VPS54: variants seen among roughly 807,000 people sequenced by gnomAD.
VPS54 encodes the protein vacuolar protein sorting-associated protein 54.
In VPS54, 45 loss-of-function variants were observed where a neutral mutation model predicts 121.5. The observed-to-expected ratio is 0.37, with a 90% CI of 0.29 to 0.47. The LOEUF (loss-of-function observed/expected upper bound fraction) is 0.47. Among genes scored for constraint, VPS54 ranks in the 20% least tolerant of loss-of-function variants. The probability of loss-of-function intolerance (pLI) is 0.99; values close to 1 mark genes in which losing one functional copy is unlikely to be tolerated. For synonymous variants in VPS54, 371 were observed against 385.8 expected (o/e 0.96, Z 0.45); for missense variants, 1,090 against 1,131.4 (o/e 0.96, Z 0.52).
intron 20 of VPS54, among the ~76,000 whole-genome samples, chr2:63,910,866 T>G (rs1476314593): frequency 6.6e-6 from 1 of 152,166 alleles, no homozygotes; most frequent in Non-Finnish European, 1.5e-5. Context: ...ACATCTTTGG[T>G]TTTTCTTCAT....
At chr2:63,904,563 G>C (rs1249727412) in intron 20 of VPS54, among the ~76,000 whole-genome samples, 1 of 149,234 alleles carries the variant, frequency 6.7e-6, no homozygotes, top group Non-Finnish European at 1.5e-5. Context: ...AACTTGCAAA[G>C]ATCTGAACAC....
At chr2:63,948,464 T>C (rs1392364976) in intron 8 of VPS54, among the ~76,000 whole-genome samples, 1 of 142,424 alleles carries the variant, frequency 7.0e-6, no homozygotes, top group East Asian at 2.1e-4. Context: ...GTCACAATCA[T>C]GGCTCACTAA....
At chr2:64,012,210 A>G (rs1296701336) in intron 1 of VPS54, among the ~76,000 whole-genome samples, 2 of 152,000 alleles carry the variant, frequency 1.3e-5, no homozygotes, top group Non-Finnish European at 2.9e-5. Flanking sequence ...TCCACCTTCA[A>G]TACAGTGTGT....
At chr2:63,939,978 G>A (rs1202506323) in intron 11 of VPS54, among the ~76,000 whole-genome samples, 1 of 152,018 alleles carries the variant, frequency 6.6e-6, no homozygotes, top group Non-Finnish European at 1.5e-5. Flanking sequence ...GGATGGTCTC[G>A]ATCTCTTGAC....
At chr2:63,937,310 C>A (rs568781099) in intron 11 of VPS54, among the ~76,000 whole-genome samples, 2 of 152,052 alleles carry the variant, frequency 1.3e-5, no homozygotes, top group East Asian at 1.9e-4. Flanking sequence ...AACAAAAAAA[C>A]CAAACCACCC....
intron 22 of VPS54, among the ~76,000 whole-genome samples, chr2:63,893,834 GAAAATAACAGGC>G (rs1459825640): frequency 6.6e-6 from 1 of 152,176 alleles, no homozygotes; most frequent in Non-Finnish European, 1.5e-5. Flanking sequence ...AATATACAGA[GAAAATAACAGGC>G]TAAACTAAAA....
intron 20 of VPS54, among the ~76,000 whole-genome samples, chr2:63,904,464 A>AAAAAGG (rs1672822280): frequency 1.3e-5 from 2 of 148,500 alleles, no homozygotes; most frequent in African/African-American, 2.5e-5. Flanking sequence ...AAAAAAAAAA[A>AAAAAGG]GGGAGATCAC....
intron 7 of VPS54, among the ~76,000 whole-genome samples, chr2:63,957,108 AATAG>A (rs1460719634): frequency 4.6e-5 from 7 of 152,132 alleles, no homozygotes; most frequent in African/African-American, 9.7e-5. Context: ...TTTTATTGGT[AATAG>A]ATAGCAAAAT....
chr2:63,989,766 AGAAAAGGGTTTGAGTGCCCATG>A (rs1217076880), intron 1 of VPS54, among the ~76,000 whole-genome samples: 1 of 152,204 alleles, frequency 6.6e-6, no homozygotes, highest in Admixed American at 6.5e-5. Flanking sequence ...TGGTTAAAAC[AGAAAAGGGTTTGAGTGCCCATG>A]GAAAAAATGG....
chr2:63,990,892 T>TA (rs2104642270), intron 1 of VPS54, among the ~76,000 whole-genome samples: 1 of 152,334 alleles, frequency 6.6e-6, no homozygotes, highest in South Asian at 2.1e-4. Flanking sequence ...CTCCTTATGT[T>TA]AAATGGTATT....
chr2:64,017,274 T>C (rs1232628141), intron 1 of VPS54, among the ~76,000 whole-genome samples: 2 of 150,186 alleles, frequency 1.3e-5, no homozygotes, highest in African/African-American at 4.9e-5. Context: ...TAGGCGGAGG[T>C]TGCGGTGAGC....
At chr2:63,943,727 CTTTT>C (rs1553476083) in intron 10 of VPS54, among the ~76,000 whole-genome samples, 1 of 129,604 alleles carries the variant, frequency 7.7e-6, no homozygotes, top group Admixed American at 8.2e-5. Flanking sequence ...TTCTTTCTTT[CTTTT>C]TTTTTTTTTT....
chr2:63,986,088 TG>T (rs1464023935), intron 1 of VPS54, among the ~76,000 whole-genome samples: 1 of 152,248 alleles, frequency 6.6e-6, no homozygotes, highest in Non-Finnish European at 1.5e-5. Flanking sequence ...TTTCAATTTT[TG>T]TGAGTACACA....
chr2:63,951,667 T>G (rs1385197498), intron 7 of VPS54, among the ~76,000 whole-genome samples: 2 of 152,214 alleles, frequency 1.3e-5, no homozygotes, highest in Non-Finnish European at 2.9e-5. Flanking sequence ...GTGCTGTGTA[T>G]ATTTTATGGT....
At chr2:64,013,861 TTA>T (rs1678562167) in intron 1 of VPS54, among the ~76,000 whole-genome samples, 1 of 151,682 alleles carries the variant, frequency 6.6e-6, no homozygotes, top group African/African-American at 2.4e-5. Flanking sequence ...ACCCTTATTT[TTA>T]TATGATTCTG....
intron 11 of VPS54, among the ~76,000 whole-genome samples, chr2:63,937,361 C>T (rs926421026): frequency 3.3e-5 from 5 of 152,052 alleles, no homozygotes; most frequent in African/African-American, 1.2e-4. Context: ...CCAAAAAAGA[C>T]ATAAAAATGC....
rs775633301 is a variant in VPS54 at position 63,892,591 on chromosome 2, A to G, written c.*839T>C. On this transcript the variant is annotated 3_prime_UTR_variant, in exon 23 of 23. Coordinates refer to ENST00000272322, the MANE Select transcript of VPS54 (RefSeq NM_016516.3). The stretch of plus-strand genomic sequence containing the variant: ...ACTCAAAAGTAGGCAGATTATATGA[A>G]TACATATTCTTACCTCTGCTACAAA... The G allele has an allele frequency of 6.6e-6, 1 of 152,608 alleles. No individual in the cohort carries two copies. Among genetic ancestry groups the G allele is most frequent in the Admixed American group, 6.5e-5 (1 of 15,272 alleles). The allele number at this position is 152,608 out of a possible 1,614,324, so 9.5% of individuals were successfully genotyped here.
At chr2:63,896,516 A>G (rs1210567034) in intron 22 of VPS54, among the ~76,000 whole-genome samples, 1 of 152,242 alleles carries the variant, frequency 6.6e-6, no homozygotes, top group East Asian at 1.9e-4. Context: ...AAGAAGAATC[A>G]GATAATAAGA....
intron 1 of VPS54, among the ~76,000 whole-genome samples, chr2:64,013,337 C>A (rs1412099026): frequency 1.3e-5 from 2 of 152,038 alleles, no homozygotes; most frequent in Non-Finnish European, 2.9e-5. Context: ...ATGGTCTCTA[C>A]TTCTCAATGG....
Sources: gnomAD v4.1 joint callset for allele counts (sites outside exome capture counted in the v4.1 genomes callset) on GRCh38, gnomAD v4.1.1 for gene constraint, MANE v1.5 for transcripts, NCBI Gene and HGNC (gene_info 2026-07-23, HGNC 2026-07-21) for gene names.